Variants in ZNF124 observed in about 807,000 individuals in gnomAD.
ZNF124 encodes zinc finger protein 124, also known as zinc finger protein HZF-16.
In ZNF124, 25 loss-of-function variants were observed where a neutral mutation model predicts 26.6. That is an observed-to-expected ratio of 0.94 (90% CI 0.68 to 1.31). The LOEUF (loss-of-function observed/expected upper bound fraction) is 1.31, where lower values mean the gene tolerates loss of function less well. Among genes scored for constraint, ZNF124 ranks in the 40% most tolerant of loss-of-function variants. The pLI, the probability that ZNF124 is intolerant of heterozygous loss-of-function variation, is 0.00. For synonymous variants in ZNF124, 129 were observed against 133.3 expected (o/e 0.97, Z 0.22); for missense variants, 444 against 422.2 (o/e 1.05, Z -0.45).
At chr1:247,132,889 G>A (rs897866558) in intron 3 of ZNF124, among the ~76,000 whole-genome samples, 3 of 152,124 alleles carry the variant, frequency 2.0e-5, no homozygotes, top group Admixed American at 1.3e-4. Context: ...TAAAAGGGAC[G>A]GAATTGCTCA....
At chr1:247,128,622 T>A (rs1672271856) in intron 3 of ZNF124, among the ~76,000 whole-genome samples, 1 of 141,568 alleles carries the variant, frequency 7.1e-6, no homozygotes, top group Non-Finnish European at 1.6e-5. Context: ...GGACTTAGAT[T>A]TTTTTTTTTC....
At chr1:247,148,014 A>T (rs1351454869) in intron 3 of ZNF124, among the ~76,000 whole-genome samples, 1 of 152,232 alleles carries the variant, frequency 6.6e-6, no homozygotes, top group African/African-American at 2.4e-5. Flanking sequence ...ACCAACACCC[A>T]CATTTCCTTT....
At chr1:247,172,357 C>A (rs1170132658), upstream of ZNF124, among the ~76,000 whole-genome samples, 1 of 151,920 alleles carries the variant, frequency 6.6e-6, no homozygotes, top group East Asian at 1.9e-4. Flanking sequence ...GACTTATTAA[C>A]CTTCATGGCC....
chr1:247,156,688 G>C lies in ZNF124; in HGVS notation c.934C>G (p.His312Asp). The change falls in exon 4 of 4, where the codon CAT (histidine) becomes GAT (aspartate). Residue 312 changes from histidine (H) to aspartate (D), a missense_variant. Transcript: ENST00000543802. ...SSSLRDHERTHTGEKPYECQK... is the reference protein window; with the variant it reads ...SSSLRDHERTDTGEKPYECQK... The stretch of plus-strand genomic sequence containing the variant: ...CATTCATAGGGTTTCTCTCCAGTAT[G>C]AGTCCTTTCATGGTCACGAAGGGAA... 6.2e-7 allele frequency: 1 copy of C among 1,613,912 alleles called. No individual in the cohort carries two copies. Among genetic ancestry groups the C allele is most frequent in the Non-Finnish European group, 8.5e-7 (1 of 1,179,922 alleles).
chr1:247,123,646 G>A (rs1248187234), exon 4 of ZNF124: 1 of 483,684 alleles, frequency 2.1e-6, no homozygotes, highest in Non-Finnish European at 3.7e-6. Context: ...TGTTCCAAAT[G>A]GTGAAGAGTA....
At chr1:247,170,840 C>T (rs1280295909) in intron 1 of ZNF124, among the ~76,000 whole-genome samples, 8 of 133,066 alleles carry the variant, frequency 6.0e-5, no homozygotes, top group African/African-American at 2.3e-4. Context: ...ATAACACAAC[C>T]GGTCAGGTCA....
At chr1:247,144,575 C>T (rs1466161317) in intron 3 of ZNF124, among the ~76,000 whole-genome samples, 1 of 151,872 alleles carries the variant, frequency 6.6e-6, no homozygotes, top group African/African-American at 2.4e-5. Context: ...AGGTGGGTGT[C>T]AGCTAAAAGC....
intron 3 of ZNF124, among the ~76,000 whole-genome samples, chr1:247,141,688 T>C (rs777248361): frequency 6.6e-6 from 1 of 152,108 alleles, no homozygotes; most frequent in African/African-American, 2.4e-5. Context: ...GTGACTGTTC[T>C]GTGTTCATGA....
chr1:247,149,056 A>G (rs1299434153), intron 3 of ZNF124, among the ~76,000 whole-genome samples: 2 of 152,214 alleles, frequency 1.3e-5, no homozygotes, highest in African/African-American at 4.8e-5. Flanking sequence ...GAAAGGCATA[A>G]TCTTTATTAA....
chr1:247,166,494 G>A (rs575292627), intron 1 of ZNF124, among the ~76,000 whole-genome samples: 1 of 152,324 alleles, frequency 6.6e-6, no homozygotes, highest in African/African-American at 2.4e-5. Context: ...CATTTAGGTT[G>A]ATTCCATGTA....
At chr1:247,144,100 T>C (rs1672700299) in intron 3 of ZNF124, among the ~76,000 whole-genome samples, 2 of 152,198 alleles carry the variant, frequency 1.3e-5, no homozygotes, top group Non-Finnish European at 2.9e-5. Context: ...TTTCCAGATT[T>C]TTCTTTGGCC....
intron 3 of ZNF124, among the ~76,000 whole-genome samples, chr1:247,130,584 C>A (rs189793221): frequency 1.5e-4 from 23 of 152,160 alleles, no homozygotes; most frequent in African/African-American, 5.5e-4. Flanking sequence ...GTGTTAACAT[C>A]GAAATAATTT....
chr1:247,169,473 C>T (rs1420553728), intron 1 of ZNF124, among the ~76,000 whole-genome samples: 1 of 152,168 alleles, frequency 6.6e-6, no homozygotes, highest in Non-Finnish European at 1.5e-5. Flanking sequence ...GGAATCATTT[C>T]TGTCTCTCCC....
At chr1:247,166,574 A>C (rs1463921832) in intron 1 of ZNF124, among the ~76,000 whole-genome samples, 2 of 152,234 alleles carry the variant, frequency 1.3e-5, no homozygotes, top group African/African-American at 4.8e-5. Context: ...TACATATACA[A>C]TAAGAGTAAA....
rs558728672 is a variant in ZNF124 at position 247,168,880 on chromosome 1, C to T, written c.30+2968G>A. ...GCAAGGGTGGGAGGGGGTGAGACTG[C>T]ATATTGGGTACAGCGTACACTGATA... On this transcript the variant is annotated intron_variant, in intron 1 of 3. Coordinates refer to ENST00000543802, the MANE Select transcript of ZNF124 (RefSeq NM_001297568.2). This position sits in a 1 kb window ranked among gnomAD's most constrained non-coding sequence, Gnocchi z 4.0. Among the ~76,000 whole-genome samples the T allele has an allele frequency of 8.5e-4, 130 of 152,162 alleles. No homozygotes were observed. The highest frequency in any genetic ancestry group is 1.7e-3 in the Non-Finnish European group (113 of 68,010).
chr1:247,134,684 T>C (rs1416371048), intron 3 of ZNF124, among the ~76,000 whole-genome samples: 1 of 152,134 alleles, frequency 6.6e-6, no homozygotes, highest in Non-Finnish European at 1.5e-5. Context: ...ACTGTCAGTA[T>C]TAGATCAATG....
intron 3 of ZNF124, among the ~76,000 whole-genome samples, chr1:247,140,583 C>T (rs942512849): frequency 1.3e-5 from 2 of 152,214 alleles, no homozygotes; most frequent in Non-Finnish European, 2.9e-5. Flanking sequence ...GGTTCTTTCT[C>T]ATGTCTGCAG....
intron 3 of ZNF124, among the ~76,000 whole-genome samples, chr1:247,131,237 A>G (rs1159497994): frequency 6.6e-6 from 1 of 152,166 alleles, no homozygotes; most frequent in Non-Finnish European, 1.5e-5. Flanking sequence ...CTCCTCCTCC[A>G]GCCCAGGGAG....
downstream of ZNF124, among the ~76,000 whole-genome samples, chr1:247,151,206 G>A (rs186515648): frequency 3.3e-5 from 5 of 152,246 alleles, no homozygotes; most frequent in East Asian, 3.9e-4. Flanking sequence ...TGGGCTGGGC[G>A]CGGTGGCTCA....
Sources: allele counts gnomAD v4.1 joint callset (sites outside exome capture counted in the v4.1 genomes callset), GRCh38; gene constraint gnomAD v4.1.1; non-coding constraint Gnocchi (gnomAD v3.1); transcripts MANE v1.5; gene names NCBI Gene and HGNC (gene_info 2026-07-23, HGNC 2026-07-21).